The following STXBP5L variants were observed in gnomAD, a reference collection of about 807,000 sequenced individuals.
STXBP5L encodes syntaxin-binding protein 5-like.
A neutral mutation model predicts 144.5 loss-of-function variants in STXBP5L; 65 were observed. That is an observed-to-expected ratio of 0.45 (90% CI 0.37 to 0.55). The LOEUF (loss-of-function observed/expected upper bound fraction) is 0.55. Among genes scored for constraint, STXBP5L ranks in the 20% least tolerant of loss-of-function variants. STXBP5L has a pLI of 0.00. For missense variants in STXBP5L, 1,298 were observed against 1,405.5 expected, an observed-to-expected ratio of 0.92 and a Z score of 1.22; for synonymous variants, 505 against 469.6, an observed-to-expected ratio of 1.08 and a Z score of -0.97.
intron 2 of STXBP5L, among the ~76,000 whole-genome samples, chr3:120,935,090 T>G (rs938579912): frequency 6.6e-6 from 1 of 151,892 alleles, no homozygotes; most frequent in Non-Finnish European, 1.5e-5. Context: ...GGTCTTATAC[T>G]CTTTTTCTGT....
chr3:121,184,830 C>G (rs146978995), intron 9 of STXBP5L, among the ~76,000 whole-genome samples: 1 of 152,024 alleles, frequency 6.6e-6, no homozygotes, highest in African/African-American at 2.4e-5. Context: ...GTCAGGTTAC[C>G]CAGAAAGGAA....
chr3:121,357,984 A>G (rs2045584033), intron 20 of STXBP5L: 6 of 152,206 alleles, frequency 3.9e-5, no homozygotes, highest in Admixed American at 3.9e-4. Context: ...TTTTAAAAAA[A>G]TATTGTGGGT....
intron 3 of STXBP5L, among the ~76,000 whole-genome samples, chr3:121,003,236 A>C (rs1239057739): frequency 6.6e-6 from 1 of 152,124 alleles, no homozygotes; most frequent in South Asian, 2.1e-4. Flanking sequence ...TGACTTTTTA[A>C]TGATTGCCAT....
At chr3:121,209,092 A>G (rs1241586047) in intron 10 of STXBP5L, among the ~76,000 whole-genome samples, 2 of 152,154 alleles carry the variant, frequency 1.3e-5, no homozygotes, top group East Asian at 1.9e-4. Context: ...TGCAAAGGAC[A>G]TGAACTTGTC....
At chr3:121,139,818 A>T (rs189889285) in intron 7 of STXBP5L, among the ~76,000 whole-genome samples, 1 of 152,194 alleles carries the variant, frequency 6.6e-6, no homozygotes, top group Admixed American at 6.5e-5. Context: ...AGCAGACTTC[A>T]AAGTATGTTG....
chr3:121,005,515 T>C (rs1944214060), intron 3 of STXBP5L, among the ~76,000 whole-genome samples: 1 of 152,192 alleles, frequency 6.6e-6, no homozygotes, highest in East Asian at 1.9e-4. Flanking sequence ...CCTGGATTCA[T>C]TGATGTTTTG....
chr3:120,960,827 T>C (rs938054491), intron 3 of STXBP5L, among the ~76,000 whole-genome samples: 13 of 151,754 alleles, frequency 8.6e-5, no homozygotes, highest in Non-Finnish European at 1.6e-4. Flanking sequence ...AGTTAATGGG[T>C]GCAGCACACC....
intron 9 of STXBP5L, among the ~76,000 whole-genome samples, chr3:121,164,937 T>C (rs1025147013): frequency 1.3e-5 from 2 of 152,064 alleles, no homozygotes; most frequent in Non-Finnish European, 2.9e-5. Flanking sequence ...GTAGCAGATA[T>C]ATAGAAGAAA....
At chr3:120,975,021 T>C (rs1171585155) in intron 3 of STXBP5L, among the ~76,000 whole-genome samples, 4 of 152,194 alleles carry the variant, frequency 2.6e-5, no homozygotes, top group Non-Finnish European at 5.9e-5. Context: ...GACTTGGCGA[T>C]GCGGGCTCTT....
chr3:121,197,805 TCC>T (rs1266728005), intron 9 of STXBP5L, among the ~76,000 whole-genome samples: 1 of 152,176 alleles, frequency 6.6e-6, no homozygotes, highest in Non-Finnish European at 1.5e-5. Flanking sequence ...TTCATCTATG[TCC>T]CGGCAAAGGA....
At chr3:121,054,135 G>A (rs547340104) in intron 5 of STXBP5L, among the ~76,000 whole-genome samples, 5 of 152,036 alleles carry the variant, frequency 3.3e-5, no homozygotes, top group East Asian at 3.9e-4. Context: ...ACTTTTACAC[G>A]GTTGGTGGGA....
At chr3:121,103,898 T>C (rs535343112) in intron 5 of STXBP5L, among the ~76,000 whole-genome samples, 2 of 152,168 alleles carry the variant, frequency 1.3e-5, no homozygotes, top group African/African-American at 4.8e-5. Context: ...TGAAGAAATA[T>C]GTTTGGGTAT....
intron 2 of STXBP5L, among the ~76,000 whole-genome samples, chr3:120,940,716 T>A (rs1227462302): frequency 6.6e-6 from 1 of 151,822 alleles, no homozygotes; most frequent in African/African-American, 2.4e-5. Context: ...TTGTGTTCTT[T>A]ATTGAATAAT....
intron 9 of STXBP5L, among the ~76,000 whole-genome samples, chr3:121,185,613 T>C (rs1193263932): frequency 2.0e-5 from 3 of 152,196 alleles, no homozygotes; most frequent in African/African-American, 7.2e-5. Flanking sequence ...GTTGTAGATA[T>C]GTGGTATTAT....
chr3:120,995,325 T>C (rs1218089694), intron 3 of STXBP5L, among the ~76,000 whole-genome samples: 1 of 152,092 alleles, frequency 6.6e-6, no homozygotes. Flanking sequence ...TTTTTTTATT[T>C]TTTGTAGATG....
chr3:121,332,874 G>A (rs755703857), intron 20 of STXBP5L, among the ~76,000 whole-genome samples: 2 of 151,388 alleles, frequency 1.3e-5, no homozygotes, highest in Admixed American at 6.6e-5. Flanking sequence ...AAAAAAAAAA[G>A]CATCAGGTAA....
At chr3:120,997,938 C>G (rs914972583) in intron 3 of STXBP5L, among the ~76,000 whole-genome samples, 1 of 152,134 alleles carries the variant, frequency 6.6e-6, no homozygotes, top group Non-Finnish European at 1.5e-5. Flanking sequence ...ATATGCAAAT[C>G]AATAATTTTG....
chr3:121,391,035 T>C (rs1486342449), intron 22 of STXBP5L, among the ~76,000 whole-genome samples: 1 of 152,182 alleles, frequency 6.6e-6, no homozygotes, highest in Non-Finnish European at 1.5e-5. Context: ...AGACGTAAAT[T>C]TGGTATTTTC....
intron 20 of STXBP5L, among the ~76,000 whole-genome samples, chr3:121,331,496 C>G (rs1473515404): frequency 6.6e-6 from 1 of 152,152 alleles, no homozygotes; most frequent in Admixed American, 6.5e-5. Flanking sequence ...ATCAAAATTC[C>G]TGCAGATGAA....
Sources: gnomAD v4.1 joint callset for allele counts (sites outside exome capture counted in the v4.1 genomes callset) on GRCh38, gnomAD v4.1.1 for gene constraint, MANE v1.5 for transcripts, NCBI Gene and HGNC (gene_info 2026-07-23, HGNC 2026-07-21) for gene names.